Variants in SCG5 observed in about 807,000 individuals in gnomAD.
SCG5 encodes secretogranin V.
In SCG5, 18 loss-of-function variants were observed where a neutral mutation model predicts 25.7. That is an observed-to-expected ratio of 0.70 (90% CI 0.48 to 1.04). SCG5 has a LOEUF of 1.04. Ranked by LOEUF, SCG5 falls within the 50% of genes least tolerant of loss-of-function variation. The pLI is 0.00. For missense variants in SCG5, 206 were observed against 259.8 expected (o/e 0.79, Z 1.42); for synonymous variants, 101 against 91.7 (o/e 1.10, Z -0.58).
chr15:32,650,160 G>A (rs1444637149), intron 2 of SCG5, among the ~76,000 whole-genome samples: 2 of 152,120 alleles, frequency 1.3e-5, no homozygotes, highest in African/African-American at 4.8e-5. Flanking sequence ...GCAGTGGCGG[G>A]ATCTCAGCTC....
intron 5 of SCG5, 121 bp downstream of exon 5, chr15:32,691,884 A>G (rs746032148): frequency 6.6e-7 from 1 of 1,517,514 alleles, no homozygotes; most frequent in Non-Finnish European, 8.9e-7. Flanking sequence ...TAGTCCTGAG[A>G]AACACTGGTC....
At chr15:32,645,187 T>C (rs1445964219) in intron 2 of SCG5, among the ~76,000 whole-genome samples, 1 of 152,230 alleles carries the variant, frequency 6.6e-6, no homozygotes, top group Non-Finnish European at 1.5e-5. Flanking sequence ...GCCAGCTCTT[T>C]TGAGACAAAC....
rs71113463 is a variant in SCG5, at chr15:32,657,199, G to GTATATATATATATATATATATATATA, written c.226+13394_226+13395insATATATATATATATATATATATATAT. Among the ~76,000 whole-genome samples, 24 of 6,674 alleles carry GTATATATATATATATATATATATATA rather than the reference G, an allele frequency of 3.6e-3. 4 individuals carry two copies. Among genetic ancestry groups the GTATATATATATATATATATATATATA allele is most frequent in the Admixed American group, 4.5e-3 (2 of 442 alleles). 4.4% of individuals were successfully genotyped at this position (6,674 alleles called of 152,430 possible). On this transcript the variant is annotated intron_variant, in intron 2 of 5. Coordinates refer to ENST00000300175, the MANE Select transcript of SCG5 (RefSeq NM_001144757.3). ...CCTTAATTCTTTCTTTCATCCTCCT[G>GTATATATATATATATATATATATATA]TATATATATATATGTATGTATTTCC...
intron 2 of SCG5, chr15:32,668,975 C>T (rs562488114): frequency 2.6e-5 from 4 of 152,320 alleles, no homozygotes; most frequent in African/African-American, 9.6e-5. Flanking sequence ...GCAGGATTGT[C>T]ATTGCCATTG....
intron 5 of SCG5, among the ~76,000 whole-genome samples, chr15:32,695,892 C>T (rs1288669581): frequency 2.0e-5 from 3 of 152,106 alleles, no homozygotes; most frequent in Non-Finnish European, 4.4e-5. Context: ...TGGTTTACTG[C>T]ACTTCTTTGC....
At chr15:32,674,659 TTTG>T (rs1283684618) in intron 2 of SCG5, among the ~76,000 whole-genome samples, 1 of 152,158 alleles carries the variant, frequency 6.6e-6, no homozygotes, top group East Asian at 1.9e-4. Flanking sequence ...TGTTGGGGGC[TTTG>T]TTAACACCGA....
intron 5 of SCG5, among the ~76,000 whole-genome samples, chr15:32,695,134 AC>A (rs1037749768): frequency 4.6e-5 from 7 of 151,122 alleles, no homozygotes; most frequent in African/African-American, 1.7e-4. Flanking sequence ...TCCTGCCTCA[AC>A]CTCCCAAGTA....
chr15:32,651,997 A>G (rs2054038281), intron 2 of SCG5, among the ~76,000 whole-genome samples: 1 of 152,198 alleles, frequency 6.6e-6, no homozygotes, highest in Non-Finnish European at 1.5e-5. Context: ...ACAACAGGGC[A>G]CCTAAGACAA....
At chr15:32,665,968 T>C (rs550937119) in intron 2 of SCG5, 1 of 152,318 alleles carries the variant, frequency 6.6e-6, no homozygotes, top group South Asian at 2.1e-4. Flanking sequence ...ATTTAGGATA[T>C]GGTTCTAATT....
intron 2 of SCG5, among the ~76,000 whole-genome samples, chr15:32,647,899 G>A (rs146163448): frequency 5.3e-5 from 8 of 152,282 alleles, no homozygotes; most frequent in African/African-American, 1.9e-4. Flanking sequence ...CCAGGGCTCA[G>A]TGCTGGGTCC....
At chr15:32,679,743 A>C in intron 2 of SCG5, 23 bp from the exon 3 acceptor site, 1 of 1,613,456 alleles carries the variant, frequency 6.2e-7, no homozygotes, top group Non-Finnish European at 8.5e-7. Flanking sequence ...CACTGCAATG[A>C]ACTACTTCTG....
intron 5 of SCG5, among the ~76,000 whole-genome samples, chr15:32,694,527 T>G (rs750595199): frequency 2.1e-4 from 32 of 152,256 alleles, no homozygotes; most frequent in Non-Finnish European, 4.3e-4. Flanking sequence ...TTTGATAAAC[T>G]TGAACCTCTC....
chr15:32,680,532 C>CT (rs1296477597), intron 3 of SCG5, among the ~76,000 whole-genome samples: 2 of 151,892 alleles, frequency 1.3e-5, no homozygotes, highest in African/African-American at 2.4e-5. Flanking sequence ...AGGGGAAACA[C>CT]TTTTTTTTCC....
intron 2 of SCG5, among the ~76,000 whole-genome samples, chr15:32,663,053 A>G (rs1294787213): frequency 1.9e-5 from 1 of 52,952 alleles, no homozygotes; most frequent in African/African-American, 1.0e-4. Context: ...ATATATATAT[A>G]TATATATATA....
At chr15:32,692,942 C>CT (rs2054885861) in intron 5 of SCG5, among the ~76,000 whole-genome samples, 1 of 152,014 alleles carries the variant, frequency 6.6e-6, no homozygotes, top group Non-Finnish European at 1.5e-5. Context: ...GGAAACAAAT[C>CT]TTTTTTGAGG....
intron 2 of SCG5, among the ~76,000 whole-genome samples, chr15:32,671,347 G>A (rs2054420238): frequency 6.6e-6 from 1 of 152,230 alleles, no homozygotes; most frequent in Non-Finnish European, 1.5e-5. Flanking sequence ...AAGGATGTGT[G>A]AAAATGACTC....
At chr15:32,648,934 G>A (rs2053992858) in intron 2 of SCG5, among the ~76,000 whole-genome samples, 1 of 152,120 alleles carries the variant, frequency 6.6e-6, no homozygotes, top group Non-Finnish European at 1.5e-5. Context: ...ACCACGCCCG[G>A]CTAATTTTTT....
At chr15:32,672,937 AC>A (rs869171814) in intron 2 of SCG5, 1 of 93,852 alleles carries the variant, frequency 1.1e-5, no homozygotes, top group East Asian at 9.6e-4. Flanking sequence ...AAAAAAAGAG[AC>A]AGAGTGACGA....
chr15:32,656,775 C>T (rs77279676), intron 2 of SCG5, among the ~76,000 whole-genome samples: 7 of 152,180 alleles, frequency 4.6e-5, no homozygotes, highest in Non-Finnish European at 8.8e-5. Flanking sequence ...CACCACAGTT[C>T]GTAAAGAGAA....
Sources: allele counts gnomAD v4.1 joint callset (sites outside exome capture counted in the v4.1 genomes callset), GRCh38; gene constraint gnomAD v4.1.1; transcripts MANE v1.5; gene names NCBI Gene and HGNC (gene_info 2026-07-23, HGNC 2026-07-21).